The following CCDC102B variants were observed in gnomAD, a reference collection of about 807,000 sequenced individuals.
CCDC102B encodes the protein coiled-coil domain containing 102B.
A neutral mutation model predicts 57.4 loss-of-function variants in CCDC102B; 75 were observed. That is an observed-to-expected ratio of 1.31 (90% CI 1.08 to 1.58). The LOEUF is 1.58. Ranked by LOEUF, CCDC102B falls within the 40% of genes most tolerant of loss-of-function variation. CCDC102B has a pLI of 0.00. For synonymous variants in CCDC102B, 206 were observed against 201.9 expected (o/e 1.02, Z -0.17); for missense variants, 636 against 582.6 (o/e 1.09, Z -0.94).
chr18:69,056,639 AG>A (rs2052820756), downstream of CCDC102B, among the ~76,000 whole-genome samples: 1 of 129,944 alleles, frequency 7.7e-6, no homozygotes, highest in African/African-American at 3.4e-5. Context: ...GATAGATAAT[AG>A]ATAGATAGAT....
chr18:69,007,041 T>C (rs1474505157), intron 6 of CCDC102B, among the ~76,000 whole-genome samples: 4 of 152,192 alleles, frequency 2.6e-5, no homozygotes, highest in African/African-American at 7.2e-5. Context: ...GAATTTCTCA[T>C]AGTGTAGGTA....
chr18:68,923,010 T>TA (rs74175339), intron 6 of CCDC102B, among the ~76,000 whole-genome samples: 16 of 152,016 alleles, frequency 1.1e-4, no homozygotes, highest in East Asian at 1.9e-4. Flanking sequence ...TGGCTTGCAA[T>TA]AAAAAAAATT....
chr18:68,919,418 G>A (rs1198863957), intron 6 of CCDC102B, among the ~76,000 whole-genome samples: 3 of 152,100 alleles, frequency 2.0e-5, no homozygotes, highest in Non-Finnish European at 4.4e-5. Context: ...TTTTACCCAT[G>A]CTGAACTAAA....
At chr18:68,763,784 G>GA (rs1599425588) in intron 2 of CCDC102B, among the ~76,000 whole-genome samples, 1 of 148,042 alleles carries the variant, frequency 6.8e-6, no homozygotes, top group African/African-American at 2.5e-5. Context: ...CCTCAATACA[G>GA]CAGTAGAACC....
chr18:68,895,807 A>G (rs1457599226), intron 5 of CCDC102B, among the ~76,000 whole-genome samples: 1 of 151,888 alleles, frequency 6.6e-6, no homozygotes, highest in African/African-American at 2.4e-5. Context: ...CAATGAGTAA[A>G]TGGTGGGACC....
intron 7 of CCDC102B, among the ~76,000 whole-genome samples, chr18:69,035,452 C>T (rs2145455127): frequency 1.3e-5 from 2 of 152,030 alleles, no homozygotes; most frequent in Middle Eastern, 6.8e-3. Context: ...AACTAGAGGA[C>T]ATTATAAGTT....
At chr18:68,882,119 G>A (rs117544266) in intron 5 of CCDC102B, among the ~76,000 whole-genome samples, 1,598 of 152,228 alleles carry the variant, frequency 0.01, 35 homozygotes, top group East Asian at 0.079. Context: ...AAGAGCCAAT[G>A]ATAATTTGCA....
At chr18:68,810,694 T>TTTG (rs2036224868) in intron 1 of CCDC102B, among the ~76,000 whole-genome samples, 1 of 142,618 alleles carries the variant, frequency 7.0e-6, no homozygotes, top group Non-Finnish European at 1.5e-5. Flanking sequence ...TTTTTTTTTT[T>TTTG]TTTTTTTTTT....
chr18:68,759,852 T>G (rs2034195927), intron 2 of CCDC102B, among the ~76,000 whole-genome samples: 2 of 152,044 alleles, frequency 1.3e-5, no homozygotes, highest in Non-Finnish European at 2.9e-5. Flanking sequence ...CTTCTGAGAG[T>G]TCTGCAGGAA....
At chr18:69,030,837 T>G (rs1276474326) in intron 7 of CCDC102B, among the ~76,000 whole-genome samples, 1 of 152,072 alleles carries the variant, frequency 6.6e-6, no homozygotes, top group Non-Finnish European at 1.5e-5. Flanking sequence ...GTATTTTTAG[T>G]AGAGATGGGG....
chr18:68,870,750 T>C (rs1270717522), intron 4 of CCDC102B, among the ~76,000 whole-genome samples: 1 of 152,146 alleles, frequency 6.6e-6, no homozygotes, highest in Non-Finnish European at 1.5e-5. Flanking sequence ...TTCTACATGG[T>C]TAATAACATT....
At chr18:68,743,238 A>C (rs931253994) in intron 2 of CCDC102B, among the ~76,000 whole-genome samples, 7 of 150,702 alleles carry the variant, frequency 4.6e-5, no homozygotes, top group African/African-American at 1.5e-4. Flanking sequence ...TAAATAAATA[A>C]ATAAATAAAT....
chr18:68,794,118 C>T (rs1402438770), upstream of CCDC102B, among the ~76,000 whole-genome samples: 1 of 152,082 alleles, frequency 6.6e-6, no homozygotes, highest in Non-Finnish European at 1.5e-5. Context: ...AGTGGCTTCA[C>T]CAGATTAAGT....
At chr18:68,970,656 G>C (rs1473513113) in intron 6 of CCDC102B, among the ~76,000 whole-genome samples, 3 of 151,106 alleles carry the variant, frequency 2.0e-5, no homozygotes, top group African/African-American at 7.3e-5. Context: ...CTTTATATTT[G>C]TTTCTAACTT....
intron 6 of CCDC102B, among the ~76,000 whole-genome samples, chr18:68,995,087 A>G (rs1409312240): frequency 6.6e-6 from 1 of 152,180 alleles, no homozygotes; most frequent in African/African-American, 2.4e-5. Context: ...AACTGGAATA[A>G]AGATGACTTT....
upstream of CCDC102B, among the ~76,000 whole-genome samples, chr18:68,793,574 C>T (rs916950428): frequency 6.6e-6 from 1 of 150,526 alleles, no homozygotes; most frequent in African/African-American, 2.4e-5. Context: ...TTATTTTCTT[C>T]AGTATGTTCA....
At chr18:68,887,279 C>A (rs761756382) in intron 5 of CCDC102B, among the ~76,000 whole-genome samples, 1 of 152,046 alleles carries the variant, frequency 6.6e-6, no homozygotes, top group Non-Finnish European at 1.5e-5. Context: ...TAAAAACAAG[C>A]GTAATAGGAA....
intron 4 of CCDC102B, among the ~76,000 whole-genome samples, 183 bp downstream of exon 4, chr18:68,846,604 T>C (rs1473369594): frequency 1.3e-5 from 2 of 151,852 alleles, no homozygotes; most frequent in Non-Finnish European, 2.9e-5. Context: ...ATTCAGACTC[T>C]ATGACATCTT....
chr18:68,974,853 G>A lies in CCDC102B; in HGVS notation c.1264-36081G>A, dbSNP rs923334834. On this transcript the variant is annotated intron_variant, in intron 6 of 7. Coordinates refer to ENST00000360242, the MANE Select transcript of CCDC102B (RefSeq NM_024781.3). ...ATGATCTACAGGAGCACTGCATGAT[G>A]TCTTTGCATGTGTTACTGTTTACTT... is the stretch of plus-strand genomic sequence containing the variant. 3.9e-5 allele frequency among the ~76,000 whole-genome samples: 6 copies of A among 151,956 alleles called. No individual in the cohort carries two copies. The East Asian group carries it at 1.2e-3, about 29-fold the overall frequency.
Sources: gnomAD v4.1 joint callset for allele counts (sites outside exome capture counted in the v4.1 genomes callset) on GRCh38, gnomAD v4.1.1 for gene constraint, MANE v1.5 for transcripts, NCBI Gene and HGNC (gene_info 2026-07-23, HGNC 2026-07-21) for gene names.